BTBD2: variants seen among roughly 807,000 people sequenced by gnomAD.
The protein encoded by BTBD2 is BTB domain containing 2, also known as BTB/POZ domain-containing protein 2.
A neutral mutation model predicts 44.0 loss-of-function variants in BTBD2; 15 were observed. That is an observed-to-expected ratio of 0.34 (90% CI 0.23 to 0.53). The LOEUF is 0.53. Ranked by LOEUF, BTBD2 falls within the 20% of genes least tolerant of loss-of-function variation. BTBD2 has a pLI of 0.95. For missense variants in BTBD2, 657 were observed against 746.4 expected (o/e 0.88, Z 1.39); for synonymous variants, 443 against 335.9 (o/e 1.32, Z -3.49).
chr19:1,998,045 T>C (rs1234663365), intron 1 of BTBD2, among the ~76,000 whole-genome samples: 2 of 152,160 alleles, frequency 1.3e-5, no homozygotes, highest in African/African-American at 2.4e-5. Context: ...TTATGACACA[T>C]GCATTCATTC....
At position 2,012,214 on chromosome 19, in the gene BTBD2, G is replaced by A. The variant is rs190404946; in HGVS notation, c.407+3083C>T. On this transcript the variant is annotated intron_variant, in intron 1 of 8. Coordinates refer to ENST00000255608, the MANE Select transcript of BTBD2 (RefSeq NM_017797.4). ...GTCGCCTGGGCTGGAGTGCAATGGC[G>A]CAATCTCGGTTCCCTGCAACCTCCA... 3.6e-4 allele frequency among the ~76,000 whole-genome samples: 54 copies of A among 149,554 alleles called. No homozygotes were observed. The East Asian group carries it at 9.2e-3, about 26-fold the overall frequency.
intron 1 of BTBD2, chr19:2,013,669 C>T: frequency 2.0e-6 from 2 of 984,468 alleles, no homozygotes; most frequent in East Asian, 1.1e-4. Context: ...GCTGGAGGGG[C>T]TGTGGATGGT....
At chr19:1,986,756 T>A (rs1034665574) in intron 8 of BTBD2, 74 bp downstream of exon 8, 13 of 1,570,272 alleles carry the variant, frequency 8.3e-6, no homozygotes, top group South Asian at 4.7e-5. Context: ...CTCTGGAGAG[T>A]GTGTGCTGTG....
intron 1 of BTBD2, among the ~76,000 whole-genome samples, chr19:2,009,063 G>C (rs555582120): frequency 6.6e-6 from 1 of 150,512 alleles, no homozygotes; most frequent in African/African-American, 2.5e-5. Flanking sequence ...TTGTCACCCA[G>C]GCTGAAGTGC....
At chr19:2,012,558 G>T (rs1440242445) in intron 1 of BTBD2, among the ~76,000 whole-genome samples, 1 of 152,238 alleles carries the variant, frequency 6.6e-6, no homozygotes, top group East Asian at 1.9e-4. Context: ...TCAGCGAGAA[G>T]CCATTCCTAG....
intron 1 of BTBD2, among the ~76,000 whole-genome samples, chr19:2,004,559 A>T (rs979952284): frequency 2.6e-5 from 4 of 151,584 alleles, no homozygotes; most frequent in African/African-American, 2.4e-5. Context: ...GGCCTCCCGA[A>T]GTGCTGGGAT....
intron 1 of BTBD2, among the ~76,000 whole-genome samples, chr19:1,999,285 C>T (rs572240916): frequency 3.9e-5 from 6 of 152,204 alleles, no homozygotes; most frequent in Admixed American, 6.5e-5. Flanking sequence ...ATGCGAGGCC[C>T]GGCGGAAACA....
At chr19:2,003,801 AAAG>A (rs1568220804) in intron 1 of BTBD2, among the ~76,000 whole-genome samples, 1 of 111,504 alleles carries the variant, frequency 9.0e-6, no homozygotes, top group African/African-American at 3.0e-5. Context: ...AAAGAAAAGA[AAAG>A]AAAAGAAAAA....
At chr19:2,012,857 C>A (rs1343105797) in intron 1 of BTBD2, among the ~76,000 whole-genome samples, 2 of 152,178 alleles carry the variant, frequency 1.3e-5, no homozygotes, top group Non-Finnish European at 2.9e-5. Context: ...GCCCGGGGCG[C>A]CCCACCTCCC....
In BTBD2 at chr19:2,010,100, G is replaced by A. The variant is rs57968534; in HGVS notation, c.407+5197C>T. 3.3e-5 allele frequency among the ~76,000 whole-genome samples: 5 copies of A among 152,134 alleles called. No homozygotes were observed. The South Asian group carries it at 8.3e-4, about 25-fold the overall frequency. ...CTGGGAGGCGGAGCTTGCAGTGAGCGGAGATCGCGCCACTGGACTCCAGCC... is the reference window on the plus strand; with the variant it reads ...CTGGGAGGCGGAGCTTGCAGTGAGCAGAGATCGCGCCACTGGACTCCAGCC... On this transcript the variant is annotated intron_variant, in intron 1 of 8. Coordinates refer to ENST00000255608, the MANE Select transcript of BTBD2 (RefSeq NM_017797.4).
intron 1 of BTBD2, among the ~76,000 whole-genome samples, chr19:2,012,736 C>T (rs2016482912): frequency 6.6e-6 from 1 of 152,220 alleles, no homozygotes; most frequent in Admixed American, 6.5e-5. Context: ...GGGCAGACCC[C>T]TCACCTACTT....
intron 1 of BTBD2, among the ~76,000 whole-genome samples, chr19:2,009,427 T>C (rs1023787067): frequency 6.6e-6 from 1 of 151,564 alleles, no homozygotes; most frequent in African/African-American, 2.4e-5. Flanking sequence ...CTCAAATTCC[T>C]GACCTCGTGA....
intron 3 of BTBD2, among the ~76,000 whole-genome samples, chr19:1,992,467 G>C (rs115797849): frequency 6.6e-6 from 1 of 151,974 alleles, no homozygotes; most frequent in South Asian, 2.1e-4. Flanking sequence ...CTAGAACTCC[G>C]GGCCTCAAGC....
chr19:1,999,424 G>A (rs927765277), intron 1 of BTBD2, among the ~76,000 whole-genome samples: 1 of 152,214 alleles, frequency 6.6e-6, no homozygotes, highest in African/African-American at 2.4e-5. Context: ...CCCAGCATGT[G>A]GGAGACCAAG....
At chr19:2,000,218 C>G (rs1568219347) in intron 1 of BTBD2, among the ~76,000 whole-genome samples, 1 of 152,262 alleles carries the variant, frequency 6.6e-6, no homozygotes, top group East Asian at 1.9e-4. Context: ...GGCATTGGGA[C>G]TGCCGCCCGC....
At chr19:1,993,868 G>A (rs1392488615) in intron 2 of BTBD2, among the ~76,000 whole-genome samples, 15 of 151,224 alleles carry the variant, frequency 9.9e-5, no homozygotes, top group Non-Finnish European at 1.9e-4. Flanking sequence ...GTGGTGGTGG[G>A]CGCCTGTAGT....
chr19:1,986,379 T>C lies in BTBD2; in HGVS notation c.*109A>G, dbSNP rs2145613605. On this transcript the variant is annotated 3_prime_UTR_variant, in exon 9 of 9. Transcript: ENST00000255608. Reference sequence around the variant, plus strand: ...GGTGGCATGGAGTGGACAGACGGCCTGGGGGACACTGGGCCTGGCACCGCG... The same window carrying C: ...GGTGGCATGGAGTGGACAGACGGCCCGGGGGACACTGGGCCTGGCACCGCG... The C allele has an allele frequency of 2.2e-6, 3 of 1,369,282 alleles. No individual in the cohort carries two copies. Among genetic ancestry groups the C allele is most frequent in the Non-Finnish European group, 3.1e-6 (3 of 978,694 alleles). The allele number at this position is 1,369,282 out of a possible 1,614,324, so 84.8% of individuals were successfully genotyped here. A position where few individuals can be genotyped will look rare whatever the true frequency, so the allele number is the denominator to read the frequency against.
At chr19:1,992,786 G>A (rs900042173) in intron 3 of BTBD2, among the ~76,000 whole-genome samples, 5 of 152,032 alleles carry the variant, frequency 3.3e-5, no homozygotes, top group Non-Finnish European at 7.4e-5. Flanking sequence ...TGGCCAGGCT[G>A]GTCTGGAACG....
At chr19:1,989,653 G>A (rs1020529623) in intron 5 of BTBD2, 34 of 322,502 alleles carry the variant, frequency 1.1e-4, no homozygotes, top group Non-Finnish European at 1.5e-4. Context: ...CAGCCACCCC[G>A]GCCATGTCAG....
Sources: allele counts gnomAD v4.1 joint callset (sites outside exome capture counted in the v4.1 genomes callset), GRCh38; gene constraint gnomAD v4.1.1; transcripts MANE v1.5; gene names NCBI Gene and HGNC (gene_info 2026-07-23, HGNC 2026-07-21).